The following KDM5D variants were observed in gnomAD, a reference collection of about 807,000 sequenced individuals.
The protein encoded by KDM5D is lysine-specific demethylase 5D.
In KDM5D, 25 loss-of-function variants were observed where a neutral mutation model predicts 31.9. That is an observed-to-expected ratio of 0.78 (90% CI 0.57 to 1.09). The LOEUF (loss-of-function observed/expected upper bound fraction) is 1.09, where lower values mean the gene tolerates loss of function less well. Among genes scored for constraint, KDM5D ranks in the 50% least tolerant of loss-of-function variants. The pLI is 0.00. For missense variants in KDM5D, 366 were observed against 341.6 expected (o/e 1.07, Z -0.56); for synonymous variants, 146 against 122.3 (o/e 1.19, Z -1.28).
intron 6 of KDM5D, among the ~76,000 whole-genome samples, chrY:19,738,924 C>T: frequency 2.9e-5 from 1 of 33,936 alleles, no homozygotes. Flanking sequence ...CCAATATAGG[C>T]TATGGCCTAG....
In KDM5D at chrY:19,716,769, T is replaced by G. The variant is rs994492562; in HGVS notation, c.1717-54A>C. On this transcript the variant is annotated intron_variant, in intron 13 of 26. Transcript: ENST00000317961. ...TGTGGGTCAGAACTAATGGGCCAGATGTGAACTCAAAGATGTCTCTAGATG... is the reference window on the plus strand; with the variant it reads ...TGTGGGTCAGAACTAATGGGCCAGAGGTGAACTCAAAGATGTCTCTAGATG... The G allele has an allele frequency of 3.3e-5, 12 of 365,140 alleles. No homozygotes were observed. The Admixed American group carries it at 4.6e-4, about 14-fold the overall frequency. The allele number at this position is 365,140 out of a possible 400,897, so 91.1% of individuals were successfully genotyped here.
intron 18 of KDM5D, 23 bp from the exon 19 acceptor site, chrY:19,710,495 C>T (rs1280282929): frequency 3.6e-6 from 1 of 275,614 alleles, no homozygotes; most frequent in Non-Finnish European, 5.6e-6. Flanking sequence ...GAAGGAACAC[C>T]TCGTAATGTC....
intron 13 of KDM5D, among the ~76,000 whole-genome samples, chrY:19,718,978 G>A: frequency 3.2e-5 from 1 of 31,590 alleles, no homozygotes; most frequent in South Asian, 7.2e-4. Flanking sequence ...AGACCATCCC[G>A]GCTAAAACGG....
chrY:19,717,413 G>A (rs2045356721), intron 13 of KDM5D, among the ~76,000 whole-genome samples: 1 of 32,843 alleles, frequency 3.0e-5, no homozygotes, highest in Admixed American at 2.8e-4. Context: ...TAGAAGACAG[G>A]AGACTTCCCA....
Position 19,739,518 on chromosome Y carries a change from A to T in KDM5D, c.657+10T>A. 1 of 393,085 alleles carries T rather than the reference A, an allele frequency of 2.5e-6. No homozygotes were observed. The stretch of plus-strand genomic sequence containing the variant: ...CTATAGGAAGAATAACAGGAGTAAC[A>T]GTCACTCACATCAGGCTGTAGCCTT... On this transcript the variant is annotated intron_variant, in intron 6 of 26. Coordinates refer to ENST00000317961, the MANE Select transcript of KDM5D (RefSeq NM_004653.5).
rs777038395 is a variant in KDM5D at position 19,732,714 on chromosome Y, G to A, written c.962C>T (p.Ser321Phe). 2 of 386,023 alleles carry A rather than the reference G, an allele frequency of 5.2e-6. No individual in the cohort carries two copies. Among genetic ancestry groups the A allele is most frequent in the Admixed American group, 8.1e-5 (1 of 12,400 alleles). The change falls in exon 9 of 27, where the codon TCC becomes TTC. Residue 321 changes from serine to phenylalanine, a missense_variant. Physicochemically the swap from Ser to Phe is radical, Grantham distance 155. Coordinates refer to ENST00000317961, the MANE Select transcript of KDM5D (RefSeq NM_004653.5). ...AAGCTTATCATCTTCATCCCCACGG[G>A]AGCATACTTGGCAAATATATGAGTC... is the stretch of plus-strand genomic sequence containing the variant. Reference protein sequence around the residue: ...FIDSYICQVCSRGDEDDKLLF... With the variant: ...FIDSYICQVCFRGDEDDKLLF...
Position 19,739,645 on chromosome Y carries a change from C to T in KDM5D, c.540G>A (p.Pro180=). ...CCTTATCTTTTACCTCATTGTCAAA[C>T]GGGTGTGTGTTACATTGCTAGAGAG... The part of the protein sequence containing the change: ...GANHVQCNTH[P]FDNEVKDKEY... The change falls in exon 6 of 27, where the codon CCG becomes CCA. Residue 180 remains proline, a synonymous_variant. Transcript: ENST00000317961. 5 of 393,100 alleles carry T rather than the reference C, an allele frequency of 1.3e-5. No homozygotes were observed. Among genetic ancestry groups the T allele is most frequent in the South Asian group, 9.0e-5 (3 of 33,225 alleles).
Position 19,709,608 on chromosome Y carries a change from C to A in KDM5D, c.2785G>T (p.Ala929Ser). ...DEVKQALAPS[A>S]HRGSLVIMQG... ...ATGATGACCAGAGAGCCCCTGTGAG[C>A]AGAAGGGGCCAGGGCCTGCTTCACT... The change falls in exon 20 of 27, where the codon GCT becomes TCT. Residue 929 changes from alanine to serine, a missense_variant. Physicochemically the swap from Ala to Ser is moderately conservative, Grantham distance 99 (BLOSUM62 1). Coordinates refer to ENST00000317961, the MANE Select transcript of KDM5D (RefSeq NM_004653.5). The A allele has an allele frequency of 2.5e-6, 1 of 397,783 alleles. No individual in the cohort carries two copies. Among genetic ancestry groups the A allele is most frequent in the Non-Finnish European group, 3.5e-6 (1 of 282,957 alleles).
chrY:19,733,415 CAA>C (rs2045486129), intron 8 of KDM5D, among the ~76,000 whole-genome samples: 1 of 31,595 alleles, frequency 3.2e-5, no homozygotes, highest in African/African-American at 1.2e-4. Context: ...AAAGATAACT[CAA>C]GAGCAGAAGA....
intron 7 of KDM5D, 38 bp from the exon 8 acceptor site, chrY:19,735,535 C>A: frequency 2.5e-6 from 1 of 397,132 alleles, no homozygotes; most frequent in Non-Finnish European, 3.5e-6. Flanking sequence ...CCAATCCTCT[C>A]CTGCATCAAG....
chrY:19,714,877 A>C (rs988505630), intron 18 of KDM5D, among the ~76,000 whole-genome samples: 1 of 33,661 alleles, frequency 3.0e-5, no homozygotes, highest in African/African-American at 1.2e-4. Flanking sequence ...CAGTTAAATA[A>C]ATTTCTAGGA....
rs2032620 is a variant in KDM5D at position 19,707,378 on chromosome Y, G to A, written c.3768C>T (p.Pro1256=). The change falls in exon 24 of 27, where the codon CCC becomes CCT. Residue 1256 remains proline (P), a synonymous_variant. Coordinates refer to ENST00000317961, the MANE Select transcript of KDM5D (RefSeq NM_004653.5). ...LALLVALQRL[P]VRLPEGEALQ... is the part of the protein sequence containing the mutation. ...GGGCCTCACCCTCAGGCAGCCGCAC[G>A]GGCAGCCTCTGCAGGGCAACCAGCA... 1.1e-3 allele frequency: 450 copies of A among 395,960 alleles called. No homozygotes were observed. The African/African-American group carries it at 0.024, about 21-fold the overall frequency.
Position 19,706,288 on chromosome Y carries a change from G to A in KDM5D, c.4327C>T (p.Arg1443Trp). The change falls in exon 27 of 27, where the codon CGG (arginine) becomes TGG (tryptophan). Residue 1443 changes from arginine (R) to tryptophan (W), a missense_variant. By Grantham distance (101) the Arg-to-Trp change is moderately radical. Transcript: ENST00000317961. The stretch of plus-strand genomic sequence containing the variant: ...CCCTGATCCACCTTCTGCCGCCGCC[G>A]TCGCCTCTCCAGAGCCCGGCTCCTT... ...RTRSRALERR[R>W]RRQKVDQGRN... 7.6e-6 allele frequency: 3 copies of A among 395,431 alleles called. No individual in the cohort carries two copies. Among genetic ancestry groups the A allele is most frequent in the South Asian group, 3.0e-5 (1 of 33,045 alleles).
intron 18 of KDM5D, among the ~76,000 whole-genome samples, chrY:19,713,229 C>T: frequency 5.9e-5 from 2 of 33,882 alleles, no homozygotes; most frequent in South Asian, 6.5e-4. Flanking sequence ...TGGAAGACAA[C>T]TGGACACAGG....
intron 11 of KDM5D, among the ~76,000 whole-genome samples, chrY:19,729,539 G>A: frequency 3.0e-5 from 1 of 33,573 alleles, no homozygotes; most frequent in South Asian, 6.6e-4. Context: ...TAGCAGGAAC[G>A]GGACTGAGGG....
intron 6 of KDM5D, 47 bp from the exon 7 acceptor site, chrY:19,735,797 G>A: frequency 3.6e-6 from 1 of 278,478 alleles, no homozygotes; most frequent in Non-Finnish European, 5.7e-6. Flanking sequence ...TACTTATGCA[G>A]GTATAAATAC....
chrY:19,735,724 C>T lies in KDM5D; in HGVS notation c.684G>A (p.Glu228=). ...GTAACTTCTTTAGCTCTGGATGCTT[C>T]TCAATGTCCTCCTCTGTAGGCTCTG... is the stretch of plus-strand genomic sequence containing the variant. ...PDPEPTEEDI[E]KHPELKKLQI... is the part of the protein sequence containing the mutation. The change falls in exon 7 of 27, where the codon GAG becomes GAA. Residue 228 remains glutamate (E), a synonymous_variant. Transcript: ENST00000317961. 7.6e-6 allele frequency: 3 copies of T among 395,255 alleles called. No homozygotes were observed. Among genetic ancestry groups the T allele is most frequent in the Non-Finnish European group, 1.1e-5 (3 of 280,198 alleles).
chrY:19,719,179 AAAAG>A (rs2045375755), intron 13 of KDM5D, among the ~76,000 whole-genome samples: 2 of 33,128 alleles, frequency 6.0e-5, no homozygotes, highest in Non-Finnish European at 1.5e-4. Context: ...CAAAAAAAAA[AAAAG>A]AAAGAAGTAT....
At chrY:19,730,908 A>T in intron 11 of KDM5D, among the ~76,000 whole-genome samples, 1 of 33,502 alleles carries the variant, frequency 3.0e-5, no homozygotes, top group Admixed American at 2.7e-4. Flanking sequence ...AATGTTATGC[A>T]GCATATGACC....
Sources: gnomAD v4.1 joint callset for allele counts (sites outside exome capture counted in the v4.1 genomes callset) on GRCh38, gnomAD v4.1.1 for gene constraint, MANE v1.5 for transcripts, NCBI Gene and HGNC (gene_info 2026-07-23, HGNC 2026-07-21) for gene names.